DPP6: variants seen among roughly 807,000 people sequenced by gnomAD.
DPP6 encodes the protein dipeptidyl peptidase like 6.
DPP6 carries 69 observed loss-of-function variants against 122.6 expected under a neutral mutation model. The observed-to-expected ratio is 0.56, with a 90% CI of 0.46 to 0.69. DPP6 has a LOEUF of 0.69. Among genes scored for constraint, DPP6 ranks in the 30% least tolerant of loss-of-function variants. DPP6 has a pLI of 0.00. For synonymous variants in DPP6, 418 were observed against 433.1 expected (o/e 0.97, Z 0.43); for missense variants, 928 against 1,116.9 (o/e 0.83, Z 2.41).
intron 6 of DPP6, among the ~76,000 whole-genome samples, chr7:154,664,204 T>C (rs1266960663): frequency 6.6e-6 from 1 of 152,012 alleles, no homozygotes; most frequent in African/African-American, 2.4e-5. Flanking sequence ...CATAAAGTCA[T>C]TGTGAATCAC....
At chr7:154,640,260 C>CAA (rs1287474924) in intron 6 of DPP6, among the ~76,000 whole-genome samples, 1 of 151,774 alleles carries the variant, frequency 6.6e-6, no homozygotes, top group African/African-American at 2.4e-5. Flanking sequence ...CAAACAAAAA[C>CAA]AAAAACAACA....
chr7:154,389,104 T>A (rs757624440), intron 1 of DPP6, among the ~76,000 whole-genome samples: 7 of 152,156 alleles, frequency 4.6e-5, no homozygotes, highest in Non-Finnish European at 1.0e-4. Context: ...CTCCAGAAAG[T>A]TCACGGCTCC....
At chr7:154,365,505 G>A (rs1207336608) in intron 1 of DPP6, among the ~76,000 whole-genome samples, 2 of 152,156 alleles carry the variant, frequency 1.3e-5, no homozygotes, top group African/African-American at 2.4e-5. Context: ...AGCTTGAATC[G>A]GAGGGGAACG....
intron 1 of DPP6, among the ~76,000 whole-genome samples, chr7:154,398,614 T>TTCTC (rs113385356): frequency 3.3e-5 from 5 of 151,622 alleles, no homozygotes; most frequent in African/African-American, 9.7e-5. Flanking sequence ...CCTTCATATT[T>TTCTC]TCTCTCTCTC....
intron 1 of DPP6, among the ~76,000 whole-genome samples, chr7:154,238,023 A>T (rs1719667436): frequency 1.3e-5 from 2 of 152,154 alleles, no homozygotes; most frequent in Non-Finnish European, 2.9e-5. Context: ...TTTCCCCTCT[A>T]AGCAGAAGGG....
intron 4 of DPP6, among the ~76,000 whole-genome samples, chr7:154,556,798 AC>A (rs1415871484): frequency 6.6e-6 from 1 of 152,222 alleles, no homozygotes; most frequent in East Asian, 1.9e-4. Context: ...CAAATTGAGC[AC>A]AAAAAGACAA....
intron 16 of DPP6, among the ~76,000 whole-genome samples, chr7:154,837,304 C>T (rs1392153510): frequency 6.6e-6 from 1 of 151,900 alleles, no homozygotes; most frequent in Non-Finnish European, 1.5e-5. Context: ...TGCATGCACA[C>T]ATGCACACAA....
chr7:154,489,799 TGGTCA>T (rs1470993463), intron 3 of DPP6, among the ~76,000 whole-genome samples: 2 of 152,210 alleles, frequency 1.3e-5, no homozygotes, highest in African/African-American at 4.8e-5. Flanking sequence ...CTAGCTGTGC[TGGTCA>T]GGCCTCTCTC....
the DPP6 span, among the ~76,000 whole-genome samples, chr7:153,815,223 C>T: frequency 6.6e-6 from 1 of 152,090 alleles, no homozygotes; most frequent in Non-Finnish European, 1.5e-5. Flanking sequence ...TTGTTTCAGC[C>T]CAAAATCTCC....
At chr7:154,871,603 G>A (rs1205782267) in intron 18 of DPP6, among the ~76,000 whole-genome samples, 2 of 152,234 alleles carry the variant, frequency 1.3e-5, no homozygotes, top group Admixed American at 6.5e-5. Context: ...GCAGGGAGCA[G>A]CCCAGACCAT....
intron 14 of DPP6, 72 bp downstream of exon 14, chr7:154,804,027 A>G (rs969336759): frequency 6.4e-7 from 1 of 1,555,532 alleles, no homozygotes; most frequent in African/African-American, 1.4e-5. Context: ...TGTCAATTAC[A>G]CTTATGGAGT....
intron 1 of DPP6, among the ~76,000 whole-genome samples, chr7:154,099,240 T>C (rs867654640): frequency 2.0e-5 from 3 of 152,194 alleles, no homozygotes; most frequent in Non-Finnish European, 4.4e-5. Flanking sequence ...AATTGAAGAC[T>C]TTCCTAATAA....
rs376746222 is a variant in DPP6 at position 154,226,162 on chromosome 7, CT to C, written c.243+173100del. Among the ~76,000 whole-genome samples, 225 of 152,258 alleles carry C rather than the reference CT, an allele frequency of 1.5e-3. 2 individuals are homozygous for C. Among genetic ancestry groups the C allele is most frequent in the African/African-American group, 5.3e-3 (220 of 41,552 alleles). On this transcript the variant is annotated intron_variant, in intron 1 of 25. Coordinates refer to ENST00000377770, the MANE Select transcript of DPP6 (RefSeq NM_130797.4). ...GGGAGGAGAAACCATGGCCAGAGTT[CT>C]GGGGCTGAAGGAAGATGAGAGGGAA...
chr7:154,776,573 C>A (rs34516604), intron 10 of DPP6, among the ~76,000 whole-genome samples: 32,354 of 152,016 alleles, frequency 0.21, 4,311 homozygotes, highest in Non-Finnish European at 0.29. Flanking sequence ...GAGGCAGGGA[C>A]GTTAGTTCCT....
chr7:154,740,141 T>A (rs938632334), intron 8 of DPP6, among the ~76,000 whole-genome samples: 2 of 152,226 alleles, frequency 1.3e-5, no homozygotes, highest in Non-Finnish European at 2.9e-5. Context: ...TCGTGACAAA[T>A]ATCTTAGGAT....
intron 17 of DPP6, among the ~76,000 whole-genome samples, chr7:154,864,415 C>T (rs1279006700): frequency 6.6e-6 from 1 of 152,228 alleles, no homozygotes; most frequent in Non-Finnish European, 1.5e-5. Flanking sequence ...TCTGCGGTCT[C>T]ACTGTGTCCA....
At chr7:154,493,407 C>T (rs548420759) in intron 3 of DPP6, among the ~76,000 whole-genome samples, 3 of 152,306 alleles carry the variant, frequency 2.0e-5, no homozygotes, top group East Asian at 1.9e-4. Flanking sequence ...TGGGTAGGTG[C>T]ACTCATCACA....
chr7:154,834,960 G>A (rs1800935874), intron 16 of DPP6, among the ~76,000 whole-genome samples: 1 of 152,156 alleles, frequency 6.6e-6, no homozygotes, highest in African/African-American at 2.4e-5. Flanking sequence ...TGAAAATACA[G>A]TCTAAGTATG....
the DPP6 span, among the ~76,000 whole-genome samples, chr7:153,773,283 G>GTGTGTGTGTGTGTGTGTGTC: frequency 1.4e-5 from 2 of 144,570 alleles, no homozygotes; most frequent in South Asian, 2.2e-4. Context: ...GTGTGTGTGT[G>GTGTGTGTGTGTGTGTGTGTC]TGTGTGTGTC....
Sources: gnomAD v4.1 joint callset for allele counts (sites outside exome capture counted in the v4.1 genomes callset) on GRCh38, gnomAD v4.1.1 for gene constraint, MANE v1.5 for transcripts, NCBI Gene and HGNC (gene_info 2026-07-23, HGNC 2026-07-21) for gene names.